LEPR: variants seen among roughly 807,000 people sequenced by gnomAD.
LEPR encodes the protein leptin receptor.
Under a neutral mutation model 114.7 loss-of-function variants are expected in LEPR, and 56 were observed. The ratio of observed to expected loss-of-function variants is 0.49; its 90% CI spans 0.39 to 0.61. LEPR has a LOEUF of 0.61. LEPR is among the 20% of genes least tolerant of loss of function. The pLI, the probability that LEPR is intolerant of heterozygous loss-of-function variation, is 0.00. For synonymous variants in LEPR, 443 were observed against 461.4 expected, an observed-to-expected ratio of 0.96 and a Z score of 0.51; for missense variants, 1,202 against 1,352.9, an observed-to-expected ratio of 0.89 and a Z score of 1.75.
chr1:65,440,019 A>G (rs1259282465), intron 2 of LEPR, among the ~76,000 whole-genome samples: 9 of 148,154 alleles, frequency 6.1e-5, no homozygotes, highest in South Asian at 4.3e-4. Context: ...AAAAAAAAAA[A>G]AAAAAGAAAA....
At chr1:65,513,963 G>T (rs1028213477) in intron 2 of LEPR, among the ~76,000 whole-genome samples, 3 of 152,126 alleles carry the variant, frequency 2.0e-5, no homozygotes, top group African/African-American at 7.2e-5. Context: ...TCATTTATGA[G>T]AAATAGGCAA....
At chr1:65,610,148 T>A in intron 13 of LEPR, 42 bp downstream of exon 13, 1 of 1,614,150 alleles carries the variant, frequency 6.2e-7, no homozygotes, top group South Asian at 1.1e-5. Context: ...AGTGCATAAG[T>A]GTGTGCTTCA....
At chr1:65,588,094 A>G (rs373795384) in intron 5 of LEPR, among the ~76,000 whole-genome samples, 2 of 151,972 alleles carry the variant, frequency 1.3e-5, no homozygotes, top group Non-Finnish European at 2.9e-5. Context: ...CACAGGTGAG[A>G]TGGGTAGACA....
chr1:65,625,536 A>T (rs1658147793), intron 19 of LEPR, among the ~76,000 whole-genome samples: 1 of 152,178 alleles, frequency 6.6e-6, no homozygotes, highest in African/African-American at 2.4e-5. Context: ...ATTTTGTTAC[A>T]TGTATATAAC....
In LEPR at chr1:65,621,413, C is replaced by T. The variant is rs1201055245; in HGVS notation, c.2552C>T (p.Ser851Phe). Residue 851 changes from serine (S) to phenylalanine (F), a missense_variant, in exon 18 of 20, where the codon TCC becomes TTC. Coordinates refer to ENST00000349533, the MANE Select transcript of LEPR (RefSeq NM_002303.6). ...GLYVIVPVII[S>F]SSILLLGTLL... ...TATGTAATTGTGCCAGTAATTATTT[C>T]CTCTTCCATCTTATTGCTTGGAACA... The T allele has an allele frequency of 1.9e-6, 3 of 1,613,192 alleles. No individual in the cohort carries two copies. The highest frequency in any genetic ancestry group is 1.3e-5 in the African/African-American group (1 of 74,842).
intron 2 of LEPR, among the ~76,000 whole-genome samples, chr1:65,438,739 A>G (rs1167976503): frequency 6.6e-6 from 1 of 151,800 alleles, no homozygotes; most frequent in Admixed American, 6.6e-5. Flanking sequence ...GTGTTTCTTC[A>G]TTATCTGAAT....
chr1:65,536,253 T>A (rs945801204), intron 2 of LEPR, among the ~76,000 whole-genome samples: 2 of 152,104 alleles, frequency 1.3e-5, no homozygotes, highest in South Asian at 2.1e-4. Context: ...TTGTCCCTCC[T>A]CTCTCTTGCT....
At chr1:65,434,663 C>A in intron 2 of LEPR, 1 of 985,404 alleles carries the variant, frequency 1.0e-6, no homozygotes, top group East Asian at 1.1e-4. Flanking sequence ...CACCCCTTTT[C>A]CTAAGAACAA....
intron 2 of LEPR, chr1:65,433,682 A>G (rs990463181): frequency 1.2e-5 from 12 of 981,642 alleles, no homozygotes; most frequent in African/African-American, 1.8e-5. Flanking sequence ...TAGAATTGTT[A>G]AAGTTGTCAT....
chr1:65,433,382 T>A, intron 2 of LEPR: 2 of 985,470 alleles, frequency 2.0e-6, no homozygotes, highest in Non-Finnish European at 2.4e-6. Context: ...TCATGTTGGA[T>A]CCTGTAATCA....
In LEPR at chr1:65,621,419, C is replaced by G; in HGVS notation, c.2558C>G (p.Ser853Cys). 1 of 1,613,360 alleles carries G rather than the reference C, an allele frequency of 6.2e-7. No homozygotes were observed. Residue 853 changes from serine (S) to cysteine (C), a missense_variant, in exon 18 of 20, where the codon TCC becomes TGC. Transcript: ENST00000349533. Reference protein sequence around the residue: ...YVIVPVIISSSILLLGTLLIS... With the variant: ...YVIVPVIISSCILLLGTLLIS... ...ATTGTGCCAGTAATTATTTCCTCTT[C>G]CATCTTATTGCTTGGAACATTATTA...
chr1:65,506,713 G>C (rs754750660), intron 2 of LEPR, among the ~76,000 whole-genome samples: 8 of 151,802 alleles, frequency 5.3e-5, no homozygotes, highest in African/African-American at 1.9e-4. Context: ...ATGATATTCT[G>C]ATACATGTAT....
At position 65,616,062 on chromosome 1, in the gene LEPR, C is replaced by G. The variant is rs908449032; in HGVS notation, c.2050C>G (p.His684Asp). The change falls in exon 15 of 20, where the codon CAT becomes GAT. Residue 684 changes from histidine to aspartate, a missense_variant. By Grantham distance (81) the His-to-Asp change is moderately conservative. Coordinates refer to ENST00000349533, the MANE Select transcript of LEPR (RefSeq NM_002303.6). ...CSVQRYVINH[H>D]TSCNGTWSED... ...TGTTCAGAGATATGTGATAAACCAT[C>G]ATACTTCCTGCAATGGAACATGGTC... 1 of 1,614,060 alleles carries G rather than the reference C, an allele frequency of 6.2e-7. No individual in the cohort carries two copies. The highest frequency in any genetic ancestry group is 8.5e-7 in the Non-Finnish European group (1 of 1,180,024).
At chr1:65,605,795 G>A (rs893636582) in intron 11 of LEPR, among the ~76,000 whole-genome samples, 1 of 152,182 alleles carries the variant, frequency 6.6e-6, no homozygotes. Context: ...CTTGGAAAAT[G>A]TGATATATTC....
At chr1:65,558,032 C>T (rs1179948065) in intron 2 of LEPR, among the ~76,000 whole-genome samples, 1 of 152,124 alleles carries the variant, frequency 6.6e-6, no homozygotes, top group Non-Finnish European at 1.5e-5. Context: ...GAGTTAAAAA[C>T]AAGCCAAATC....
chr1:65,628,970 T>C (rs1658372407), intron 19 of LEPR, among the ~76,000 whole-genome samples: 1 of 152,144 alleles, frequency 6.6e-6, no homozygotes, highest in Admixed American at 6.5e-5. Flanking sequence ...ACTGTCTGAC[T>C]TTTGGTTTTT....
chr1:65,474,768 GAGGCCGAGGCGGGC>G (rs1157806499), intron 2 of LEPR, among the ~76,000 whole-genome samples: 1 of 152,098 alleles, frequency 6.6e-6, no homozygotes, highest in East Asian at 1.9e-4. Flanking sequence ...AGCACTTTGG[GAGGCCGAGGCGGGC>G]AGATCACGAG....
intron 2 of LEPR, among the ~76,000 whole-genome samples, chr1:65,556,396 C>T (rs1358941562): frequency 6.6e-6 from 1 of 152,072 alleles, no homozygotes; most frequent in Admixed American, 6.6e-5. Flanking sequence ...CTGTGACTGG[C>T]TCAGTTCATG....
At chr1:65,514,953 T>C (rs924852261) in intron 2 of LEPR, among the ~76,000 whole-genome samples, 7 of 152,262 alleles carry the variant, frequency 4.6e-5, no homozygotes, top group African/African-American at 1.7e-4. Context: ...AATCATTAGA[T>C]GAATCAGATA....
Sources: allele counts gnomAD v4.1 joint callset (sites outside exome capture counted in the v4.1 genomes callset), GRCh38; gene constraint gnomAD v4.1.1; transcripts MANE v1.5; gene names NCBI Gene and HGNC (gene_info 2026-07-23, HGNC 2026-07-21).